The following TMEM132B variants were observed in gnomAD, a reference collection of about 807,000 sequenced individuals.
The protein encoded by TMEM132B is transmembrane protein 132B.
A neutral mutation model predicts 90.8 loss-of-function variants in TMEM132B; 18 were observed. That is an observed-to-expected ratio of 0.20 (90% CI 0.14 to 0.29). The LOEUF is 0.29. Among genes scored for constraint, TMEM132B ranks in the 10% least tolerant of loss-of-function variants. The pLI, the probability that TMEM132B is intolerant of heterozygous loss-of-function variation, is 1.00. For missense variants in TMEM132B, 1,096 were observed against 1,326.8 expected, an observed-to-expected ratio of 0.83 and a Z score of 2.70; for synonymous variants, 504 against 523.3, an observed-to-expected ratio of 0.96 and a Z score of 0.50.
intron 1 of TMEM132B, among the ~76,000 whole-genome samples, chr12:125,227,689 G>T (rs1157429217): frequency 6.6e-6 from 1 of 152,130 alleles, no homozygotes; most frequent in Non-Finnish European, 1.5e-5. Context: ...GATTCAGCAT[G>T]CTCTCCCTCC....
At position 125,490,230 on chromosome 12, in the gene TMEM132B, T is replaced by C. The variant is rs1473220324; in HGVS notation, c.1107-29209T>C. The stretch of plus-strand genomic sequence containing the variant: ...ACATATATTACTAATTAAATTCTCA[T>C]ATAACTTGGCAATGTAGATGTTATC... On this transcript the variant is annotated intron_variant, in intron 3 of 8. Coordinates refer to ENST00000682704, the MANE Select transcript of TMEM132B (RefSeq NM_001366854.1). The surrounding 1 kb of genome is among the most constrained non-coding windows in gnomAD (Gnocchi z 4.2). Among the ~76,000 whole-genome samples the C allele has an allele frequency of 6.6e-6, 1 of 152,170 alleles. No homozygotes were observed. The highest frequency in any genetic ancestry group is 1.9e-4 in the East Asian group (1 of 5,190).
intron 3 of TMEM132B, among the ~76,000 whole-genome samples, chr12:125,511,846 T>TGA (rs1882987214): frequency 8.3e-6 from 1 of 120,106 alleles, no homozygotes; most frequent in Non-Finnish European, 1.7e-5. Flanking sequence ...AGCAAGACTC[T>TGA]ATCTCAAAAA....
intron 1 of TMEM132B, among the ~76,000 whole-genome samples, chr12:125,329,839 C>T (rs1876709558): frequency 6.6e-6 from 1 of 152,142 alleles, no homozygotes; most frequent in African/African-American, 2.4e-5. Flanking sequence ...GGAGTGAATA[C>T]CCCTGAACAC....
Position 125,436,815 on chromosome 12 carries a change from T to C in TMEM132B, c.1106+21138T>C, listed in dbSNP as rs191338379. On this transcript the variant is annotated intron_variant, in intron 3 of 8. Coordinates refer to ENST00000682704, the MANE Select transcript of TMEM132B (RefSeq NM_001366854.1). ...TTTTTTGGTCCACCTCCCTGGAACA[T>C]AGAACTATGGCTGAACTATTTATAG... Among the ~76,000 whole-genome samples the C allele has an allele frequency of 7.4e-4, 112 of 152,304 alleles. 1 individual carries two copies. In the Middle Eastern group the frequency reaches 0.027, roughly 37 times the overall value.
chr12:125,527,066 TTACCCTTCTATCCACCCATCCACCCATC>T (rs1883487883), intron 4 of TMEM132B, among the ~76,000 whole-genome samples: 1 of 23,446 alleles, frequency 4.3e-5, no homozygotes, highest in African/African-American at 1.6e-4. Context: ...ATCCACCCAT[TTACCCTTCTATCCACCCATCCACCCATC>T]CACCCTTCCA....
At chr12:125,500,442 C>T (rs1026409352) in intron 3 of TMEM132B, among the ~76,000 whole-genome samples, 1 of 152,124 alleles carries the variant, frequency 6.6e-6, no homozygotes, top group Non-Finnish European at 1.5e-5. Context: ...GCAGACATTG[C>T]TAACTGTTCC....
At chr12:125,381,298 C>T (rs1878673319) in intron 2 of TMEM132B, among the ~76,000 whole-genome samples, 1 of 152,164 alleles carries the variant, frequency 6.6e-6, no homozygotes, top group Admixed American at 6.5e-5. Flanking sequence ...CTGACCAGGA[C>T]CTGGGGCCCA....
chr12:125,433,306 T>C (rs12810109), intron 3 of TMEM132B, among the ~76,000 whole-genome samples: 44,646 of 151,944 alleles, frequency 0.29, 6,747 homozygotes, highest in African/African-American at 0.37. Context: ...AACGTCACGG[T>C]CATCGGGGCA....
intron 1 of TMEM132B, among the ~76,000 whole-genome samples, chr12:125,236,131 T>G (rs765793309): frequency 1.6e-4 from 21 of 134,062 alleles, no homozygotes; most frequent in Non-Finnish European, 2.8e-4. Context: ...ATAGTTGAAT[T>G]TTTTGTTTGT....
chr12:125,366,724 G>A (rs998834244), intron 2 of TMEM132B, among the ~76,000 whole-genome samples: 2 of 152,090 alleles, frequency 1.3e-5, no homozygotes, highest in East Asian at 3.8e-4. Flanking sequence ...ATTTGGGAGA[G>A]TTTCAGTCAT....
chr12:125,188,413 C>T (rs1435996700), intron 1 of TMEM132B, among the ~76,000 whole-genome samples: 4 of 152,160 alleles, frequency 2.6e-5, no homozygotes, highest in Non-Finnish European at 5.9e-5. Context: ...GCAGTTTTGT[C>T]TCTATTTTGT....
intron 2 of TMEM132B, among the ~76,000 whole-genome samples, chr12:125,394,940 T>C (rs1879129574): frequency 2.0e-5 from 3 of 152,164 alleles, no homozygotes; most frequent in Admixed American, 1.3e-4. Context: ...TTGGGTACAA[T>C]GTTCAGTATT....
chr12:125,605,697 G>A (rs1885678084), intron 5 of TMEM132B, among the ~76,000 whole-genome samples: 1 of 152,170 alleles, frequency 6.6e-6, no homozygotes, highest in African/African-American at 2.4e-5. Flanking sequence ...ACTTTCTTAA[G>A]TACTTTTCAT....
intron 1 of TMEM132B, among the ~76,000 whole-genome samples, chr12:125,325,944 G>A (rs528977269): frequency 2.0e-5 from 3 of 152,220 alleles, no homozygotes; most frequent in South Asian, 4.1e-4. Flanking sequence ...TGTGAGGACC[G>A]AGTTTCTTTG....
intron 4 of TMEM132B, among the ~76,000 whole-genome samples, chr12:125,581,088 A>G (rs886257019): frequency 3.3e-5 from 5 of 152,228 alleles, no homozygotes; most frequent in African/African-American, 1.2e-4. Context: ...ACATGGTTGC[A>G]AAGTTATGTG....
At chr12:125,424,125 A>T (rs899707869) in intron 3 of TMEM132B, among the ~76,000 whole-genome samples, 5 of 152,258 alleles carry the variant, frequency 3.3e-5, no homozygotes, top group Middle Eastern at 3.4e-3. Context: ...TCTTTTAAAC[A>T]TTGCTACTGG....
chr12:125,368,873 T>C (rs2136266387), intron 2 of TMEM132B, among the ~76,000 whole-genome samples: 1 of 152,334 alleles, frequency 6.6e-6, no homozygotes, highest in African/African-American at 2.4e-5. Flanking sequence ...GTTCCTGTCA[T>C]GATTTTTTTA....
At chr12:125,594,666 C>G (rs1885396380) in intron 5 of TMEM132B, among the ~76,000 whole-genome samples, 1 of 152,140 alleles carries the variant, frequency 6.6e-6, no homozygotes, top group Non-Finnish European at 1.5e-5. Flanking sequence ...TGCCATTTTG[C>G]CATCTACTGA....
At chr12:125,235,802 C>CTTTTTTTTT (rs61643412) in intron 1 of TMEM132B, among the ~76,000 whole-genome samples, 2 of 107,400 alleles carry the variant, frequency 1.9e-5, no homozygotes, top group African/African-American at 3.7e-5. Context: ...CACTTCATTC[C>CTTTTTTTTT]TTTTTTTTTT....
Sources: allele counts gnomAD v4.1 joint callset (sites outside exome capture counted in the v4.1 genomes callset), GRCh38; gene constraint gnomAD v4.1.1; non-coding constraint Gnocchi (gnomAD v3.1); transcripts MANE v1.5; gene names NCBI Gene and HGNC (gene_info 2026-07-23, HGNC 2026-07-21).